SORCS3: variants seen among roughly 807,000 people sequenced by gnomAD.
The protein encoded by SORCS3 is VPS10 domain-containing receptor SorCS3.
A neutral mutation model predicts 146.3 loss-of-function variants in SORCS3; 57 were observed. That is an observed-to-expected ratio of 0.39 (90% CI 0.31 to 0.49). The LOEUF is 0.49. Among genes scored for constraint, SORCS3 ranks in the 20% least tolerant of loss-of-function variants. SORCS3 has a pLI of 0.92. For missense variants in SORCS3, 1,341 were observed against 1,575.5 expected (o/e 0.85, Z 2.52); for synonymous variants, 653 against 618.5 (o/e 1.06, Z -0.83).
intron 4 of SORCS3, among the ~76,000 whole-genome samples, chr10:105,005,840 T>G (rs2055091860): frequency 6.6e-6 from 1 of 152,236 alleles, no homozygotes; most frequent in Non-Finnish European, 1.5e-5. Flanking sequence ...ACTTGATATC[T>G]CAACATGGAT....
chr10:105,261,615 G>T (rs1378007763), intron 25 of SORCS3, among the ~76,000 whole-genome samples: 2 of 152,216 alleles, frequency 1.3e-5, no homozygotes, highest in Admixed American at 1.3e-4. Flanking sequence ...AGATAATGAA[G>T]ATGGGTCAGA....
intron 1 of SORCS3, among the ~76,000 whole-genome samples, chr10:104,766,361 C>T (rs10082360): frequency 0.25 from 38,469 of 152,144 alleles, 5,569 homozygotes; most frequent in East Asian, 0.64. Context: ...CTCACTCCCA[C>T]GTGTGGGGTT....
Position 105,105,469 on chromosome 10 carries a change from T to C in SORCS3, c.1166T>C (p.Ile389Thr). The change falls in exon 7 of 27, where the codon ATT (isoleucine) becomes ACT (threonine). Residue 389 changes from isoleucine (I) to threonine (T), a missense_variant. Transcript: ENST00000369701. ...TTRSGPFARS[I>T]DISSLVVQDE... ...AGAAGTGGGCCTTTTGCCCGCTCCA[T>C]TGACATCAGTTCCCTGGTTGTCCAG... 6.2e-7 allele frequency: 1 copy of C among 1,613,718 alleles called. No individual in the cohort carries two copies. The highest frequency in any genetic ancestry group is 8.5e-7 in the Non-Finnish European group (1 of 1,179,658).
At chr10:104,904,282 G>C (rs1373561321) in intron 2 of SORCS3, among the ~76,000 whole-genome samples, 1 of 152,178 alleles carries the variant, frequency 6.6e-6, no homozygotes, top group African/African-American at 2.4e-5. Flanking sequence ...AGATGATAAT[G>C]CCCAATGTTG....
chr10:104,891,651 A>T (rs2018750677), intron 2 of SORCS3, among the ~76,000 whole-genome samples: 1 of 152,082 alleles, frequency 6.6e-6, no homozygotes, highest in Non-Finnish European at 1.5e-5. Context: ...ATGTTTTATT[A>T]GTTCTTAAAT....
At chr10:104,649,978 G>A (rs927161744) in intron 1 of SORCS3, among the ~76,000 whole-genome samples, 5 of 152,150 alleles carry the variant, frequency 3.3e-5, no homozygotes, top group African/African-American at 1.2e-4. Flanking sequence ...TGCTGGGGCT[G>A]GTTGACAAGC....
At chr10:105,217,747 T>C (rs1430876447) in intron 19 of SORCS3, 6 of 450,254 alleles carry the variant, frequency 1.3e-5, no homozygotes, top group Non-Finnish European at 4.5e-6. Flanking sequence ...GAACAGTTGG[T>C]GTTCCAAAAT....
chr10:105,197,574 T>A, intron 14 of SORCS3, among the ~76,000 whole-genome samples: 1 of 152,214 alleles, frequency 6.6e-6, no homozygotes, highest in East Asian at 1.9e-4. Context: ...TACATATAAT[T>A]CTGTTAATGC....
At chr10:105,065,353 G>A (rs757375500) in intron 5 of SORCS3, among the ~76,000 whole-genome samples, 1 of 152,004 alleles carries the variant, frequency 6.6e-6, no homozygotes, top group African/African-American at 2.4e-5. Flanking sequence ...TCTATTGAGA[G>A]TGTGGAAACT....
At chr10:104,858,845 T>C (rs1413551142) in intron 2 of SORCS3, among the ~76,000 whole-genome samples, 2 of 150,702 alleles carry the variant, frequency 1.3e-5, no homozygotes, top group African/African-American at 2.4e-5. Flanking sequence ...ATGGTCTTGA[T>C]CTCCTGACCT....
intron 4 of SORCS3, among the ~76,000 whole-genome samples, chr10:105,018,279 C>G (rs2055179748): frequency 6.6e-6 from 1 of 152,220 alleles, no homozygotes; most frequent in Non-Finnish European, 1.5e-5. Flanking sequence ...CTCAGTAACT[C>G]TGGTGGAAAG....
chr10:104,975,229 A>C (rs2133647288), intron 3 of SORCS3, among the ~76,000 whole-genome samples: 1 of 152,308 alleles, frequency 6.6e-6, no homozygotes, highest in South Asian at 2.1e-4. Context: ...ATACAAAATC[A>C]ATGTACAGAA....
intron 20 of SORCS3, among the ~76,000 whole-genome samples, chr10:105,236,400 T>C (rs2056793250): frequency 6.6e-6 from 1 of 152,098 alleles, no homozygotes; most frequent in Non-Finnish European, 1.5e-5. Context: ...CAGATATACA[T>C]AGTGAAGGAA....
Position 104,842,849 on chromosome 10 carries a change from T to A in SORCS3, c.685T>A (p.Ser229Thr). 2 of 1,613,870 alleles carry A rather than the reference T, an allele frequency of 1.2e-6. No homozygotes were observed. Among genetic ancestry groups the A allele is most frequent in the Non-Finnish European group, 1.7e-6 (2 of 1,179,786 alleles). Residue 229 changes from serine to threonine, a missense_variant, in exon 2 of 27, where the codon TCA becomes ACA. By Grantham distance (58) the Ser-to-Thr change is moderately conservative. Coordinates refer to ENST00000369701, the MANE Select transcript of SORCS3 (RefSeq NM_014978.3). Reference sequence around the variant, plus strand: ...CAACCTGGGCAGCGTGACTGAGAGTTCACTATGGAGGTAAGCAGATTAGAG... The same window carrying A: ...CAACCTGGGCAGCGTGACTGAGAGTACACTATGGAGGTAAGCAGATTAGAG... ...DFNLGSVTES[S>T]LWRSTDYGTT...
At chr10:104,929,538 C>T (rs2019184473) in intron 3 of SORCS3, among the ~76,000 whole-genome samples, 1 of 152,226 alleles carries the variant, frequency 6.6e-6, no homozygotes, top group Admixed American at 6.5e-5. Context: ...CAGGCAGGGC[C>T]CAGTGGCCCT....
At position 105,011,334 on chromosome 10, in the gene SORCS3, G is replaced by A. The variant is rs140041499; in HGVS notation, c.955-31721G>A. 2.0e-3 allele frequency among the ~76,000 whole-genome samples: 308 copies of A among 152,224 alleles called. 1 individual carries two copies. Among genetic ancestry groups the A allele is most frequent in the Non-Finnish European group, 3.9e-3 (267 of 68,008 alleles). ...ACCAAAGATTCCTCATGCCTTTGTAGTCCTTCTCTCCTTCCTCCTCTGACC... is the reference window on the plus strand; with the variant it reads ...ACCAAAGATTCCTCATGCCTTTGTAATCCTTCTCTCCTTCCTCCTCTGACC... On this transcript the variant is annotated intron_variant, in intron 4 of 26. Transcript: ENST00000369701.
At chr10:105,173,897 T>C (rs1259302255) in intron 13 of SORCS3, among the ~76,000 whole-genome samples, 3 of 152,204 alleles carry the variant, frequency 2.0e-5, no homozygotes, top group African/African-American at 7.2e-5. Flanking sequence ...AGTGTAAATG[T>C]CACCTACATA....
intron 2 of SORCS3, among the ~76,000 whole-genome samples, chr10:104,908,192 C>G (rs1435716879): frequency 6.6e-6 from 1 of 152,210 alleles, no homozygotes; most frequent in Non-Finnish European, 1.5e-5. Flanking sequence ...GGGTGCTCCC[C>G]AAGGCCTGGC....
chr10:104,870,798 T>A (rs115192817), intron 2 of SORCS3, among the ~76,000 whole-genome samples: 366 of 152,306 alleles, frequency 2.4e-3, no homozygotes, highest in African/African-American at 8.4e-3. Context: ...TCTCTTATTC[T>A]CTTATCCTAC....
Sources: allele counts gnomAD v4.1 joint callset (sites outside exome capture counted in the v4.1 genomes callset), GRCh38; gene constraint gnomAD v4.1.1; transcripts MANE v1.5; gene names NCBI Gene and HGNC (gene_info 2026-07-23, HGNC 2026-07-21).